Variants in TNKS observed in about 807,000 individuals in gnomAD.
The protein encoded by TNKS is poly [ADP-ribose] polymerase tankyrase-1.
Under a neutral mutation model 135.8 loss-of-function variants are expected in TNKS, and 72 were observed. The observed-to-expected ratio is 0.53, with a 90% CI of 0.44 to 0.64. TNKS has a LOEUF of 0.64. Among genes scored for constraint, TNKS ranks in the 30% least tolerant of loss-of-function variants. TNKS has a pLI of 0.00. For missense variants in TNKS, 1,769 were observed against 1,674.0 expected (o/e 1.06, Z -0.99); for synonymous variants, 849 against 649.3 (o/e 1.31, Z -4.68).
chr8:9,772,847 G>GTGTGTC (rs1193231933), intron 26 of TNKS, among the ~76,000 whole-genome samples: 24 of 139,066 alleles, frequency 1.7e-4, no homozygotes, highest in Non-Finnish European at 3.5e-4. Context: ...GTGTGTGTGT[G>GTGTGTC]TGTGTGTGTG....
At chr8:9,579,209 T>A (rs2129053133) in intron 1 of TNKS, among the ~76,000 whole-genome samples, 1 of 152,222 alleles carries the variant, frequency 6.6e-6, no homozygotes, top group Admixed American at 6.5e-5. Flanking sequence ...TCCCACTCAT[T>A]TGCCATATCG....
intron 26 of TNKS, among the ~76,000 whole-genome samples, chr8:9,772,024 AAGGGAGGGAGTGAGAGGAGACAGAGGT>A (rs1478316907): frequency 4.2e-5 from 4 of 95,992 alleles, no homozygotes; most frequent in African/African-American, 1.7e-4. Flanking sequence ...GGGAGGGAGA[AAGGGAGGGAGTGAGAGGAGACAGAGGT>A]AGGGAGGGAT....
At chr8:9,578,210 C>G (rs1269832766) in intron 1 of TNKS, among the ~76,000 whole-genome samples, 1 of 152,192 alleles carries the variant, frequency 6.6e-6, no homozygotes, top group Non-Finnish European at 1.5e-5. Context: ...AGGCTTTATT[C>G]AGATCCGTAG....
intron 14 of TNKS, among the ~76,000 whole-genome samples, chr8:9,731,411 G>A (rs1473373935): frequency 8.2e-6 from 1 of 121,620 alleles, no homozygotes; most frequent in Non-Finnish European, 1.6e-5. Context: ...AGTGAGCTAA[G>A]ATCTCAGCAT....
At chr8:9,638,812 G>GA (rs1233732156) in intron 3 of TNKS, among the ~76,000 whole-genome samples, 4 of 151,732 alleles carry the variant, frequency 2.6e-5, no homozygotes, top group South Asian at 4.2e-4. Context: ...ATTTATAATG[G>GA]AAAAAAAATA....
At chr8:9,758,914 C>T (rs912032401) in intron 20 of TNKS, among the ~76,000 whole-genome samples, 2 of 152,180 alleles carry the variant, frequency 1.3e-5, no homozygotes, top group African/African-American at 4.8e-5. Context: ...AGAGCATTAG[C>T]CAGGGTCAGT....
rs1346144891 is a variant in TNKS at position 9,770,176 on chromosome 8, G to T, written c.3811G>T (p.Ala1271Ser). 6.2e-7 allele frequency: 1 copy of T among 1,613,234 alleles called. No individual in the cohort carries two copies. Among genetic ancestry groups the T allele is most frequent in the Admixed American group, 1.7e-5 (1 of 59,994 alleles). The change falls in exon 26 of 27, where the codon GCG (alanine) becomes TCG (serine). Residue 1271 changes from alanine to serine, a missense_variant. Physicochemically the swap from Ala to Ser is moderately conservative, Grantham distance 99. Transcript: ENST00000310430. ...GTTTAGCACCATGAAAATGGCCCAC[G>T]CGCCTCCAGGGCACCACTCAGTCAT... ...LQFSTMKMAH[A>S]PPGHHSVIGR...
In TNKS at chr8:9,720,416, G is replaced by T; in HGVS notation, c.1792G>T (p.Ala598Ser). ...CCTTGGTCAGACTGCTTTGCATAGA[G>T]CCGCCCTAGCAGGTCACCTGCAGAC... ...DTLGQTALHRAALAGHLQTCR... is the reference protein window; with the variant it reads ...DTLGQTALHRSALAGHLQTCR... Residue 598 changes from alanine to serine, a missense_variant, in exon 12 of 27, where the codon GCC becomes TCC. Ala to Ser is a moderately conservative substitution (Grantham distance 99). Coordinates refer to ENST00000310430, the MANE Select transcript of TNKS (RefSeq NM_003747.3). The T allele has an allele frequency of 6.2e-7, 1 of 1,613,854 alleles. No homozygotes were observed. Among genetic ancestry groups the T allele is most frequent in the Non-Finnish European group, 8.5e-7 (1 of 1,179,918 alleles).
At chr8:9,580,447 C>G (rs1798123986) in intron 2 of TNKS, 64 bp downstream of exon 2, 2 of 1,436,766 alleles carry the variant, frequency 1.4e-6, no homozygotes, top group Admixed American at 1.8e-5. Flanking sequence ...TTTTGTGGTA[C>G]AAATAGTGTT....
chr8:9,704,451 CA>C (rs1356656587), intron 5 of TNKS, among the ~76,000 whole-genome samples: 2 of 151,984 alleles, frequency 1.3e-5, no homozygotes, highest in African/African-American at 4.8e-5. Flanking sequence ...CTTAAAAAAA[CA>C]AGTAAGTGAA....
chr8:9,680,050 G>A, intron 4 of TNKS, 63 bp downstream of exon 4: 2 of 1,224,298 alleles, frequency 1.6e-6, no homozygotes. Context: ...AGGAGGGCAG[G>A]TGGAGGACTA....
At chr8:9,714,954 G>T (rs1804532291) in intron 11 of TNKS, among the ~76,000 whole-genome samples, 1 of 152,204 alleles carries the variant, frequency 6.6e-6, no homozygotes, top group South Asian at 2.1e-4. Context: ...CATTTTAGGA[G>T]CAAGTACGGT....
At chr8:9,765,636 T>G in intron 23 of TNKS, 56 bp from the exon 24 acceptor site, 1 of 1,444,074 alleles carries the variant, frequency 6.9e-7, no homozygotes, top group Non-Finnish European at 9.7e-7. Flanking sequence ...ACTTTTCATT[T>G]TAAATCATAA....
At chr8:9,720,736 C>T (rs1347139988) in intron 12 of TNKS, among the ~76,000 whole-genome samples, 191 bp downstream of exon 12, 1 of 152,152 alleles carries the variant, frequency 6.6e-6, no homozygotes, top group Admixed American at 6.5e-5. Context: ...GAAGCAGATA[C>T]AGCTTTTAGT....
intron 17 of TNKS, among the ~76,000 whole-genome samples, chr8:9,745,941 A>C (rs761109381): frequency 6.6e-6 from 1 of 152,194 alleles, no homozygotes; most frequent in Admixed American, 6.5e-5. Context: ...AGTGCAGGGA[A>C]GACGATATCT....
At chr8:9,763,063 ATTTTTTTTT>A in intron 21 of TNKS, 75 bp from the exon 22 acceptor site, 1 of 362,516 alleles carries the variant, frequency 2.8e-6, no homozygotes, top group Non-Finnish European at 4.6e-6. Flanking sequence ...CTTATTATGA[ATTTTTTTTT>A]TTTTTTTTTT....
In TNKS at chr8:9,701,107, G is replaced by T. The variant is rs571052290; in HGVS notation, c.1108-3556G>T. Among the ~76,000 whole-genome samples, 178 of 151,756 alleles carry T rather than the reference G, an allele frequency of 1.2e-3. 1 individual carries two copies. Among genetic ancestry groups the T allele is most frequent in the African/African-American group, 4.0e-3 (166 of 41,422 alleles). On this transcript the variant is annotated intron_variant, in intron 5 of 26. Coordinates refer to ENST00000310430, the MANE Select transcript of TNKS (RefSeq NM_003747.3). ...CGCCACCACACCTGGCTAATTTTTT[G>T]TATTTTTAGTAGAGACACACAGGGT...
At chr8:9,572,498 G>A (rs1362799372) in intron 1 of TNKS, among the ~76,000 whole-genome samples, 5 of 151,914 alleles carry the variant, frequency 3.3e-5, no homozygotes, top group South Asian at 2.1e-4. Flanking sequence ...TCTCTCTTAC[G>A]TTTTCTCTTA....
At position 9,779,284 on chromosome 8, in the gene TNKS, C is replaced by G. The variant is rs906277951; in HGVS notation, c.*2548C>G. Reference sequence around the variant, plus strand: ...TTTCATCTGTAGCCGTATGAAGAACCCTTTCCAATATAAAAGCATGGCATT... The same window carrying G: ...TTTCATCTGTAGCCGTATGAAGAACGCTTTCCAATATAAAAGCATGGCATT... On this transcript the variant is annotated 3_prime_UTR_variant, in exon 27 of 27. Transcript: ENST00000310430. 1 of 152,512 alleles carries G rather than the reference C, an allele frequency of 6.6e-6. No homozygotes were observed. Among genetic ancestry groups the G allele is most frequent in the African/African-American group, 2.4e-5 (1 of 41,406 alleles). The allele number at this position is 152,512 out of a possible 1,614,324, so 9.4% of individuals were successfully genotyped here. A position where few individuals can be genotyped will look rare whatever the true frequency, so the allele number is the denominator to read the frequency against.
Sources: gnomAD v4.1 joint callset for allele counts (sites outside exome capture counted in the v4.1 genomes callset) on GRCh38, gnomAD v4.1.1 for gene constraint, MANE v1.5 for transcripts, NCBI Gene and HGNC (gene_info 2026-07-23, HGNC 2026-07-21) for gene names.